LRWD1: variants seen among roughly 807,000 people sequenced by gnomAD.
The protein encoded by LRWD1 is leucine-rich repeat and WD repeat-containing protein 1.
LRWD1 carries 76 observed loss-of-function variants against 75.6 expected under a neutral mutation model. That is an observed-to-expected ratio of 1.01 (90% CI 0.84 to 1.22). LRWD1 has a LOEUF of 1.22. LRWD1 is among the 50% of genes most tolerant of loss of function. LRWD1 has a pLI of 0.00. For missense variants in LRWD1, 917 were observed against 862.0 expected (o/e 1.06, Z -0.80); for synonymous variants, 487 against 377.0 (o/e 1.29, Z -3.38).
chr7:102,472,391 T>G, intron 12 of LRWD1, 63 bp from the exon 13 acceptor site: 2 of 1,550,342 alleles, frequency 1.3e-6, no homozygotes, highest in Non-Finnish European at 1.7e-6. Flanking sequence ...CTTCTGAGGA[T>G]CTCTAGTGGG....
chr7:102,465,507 TTTTTTTTTTTTTTTTTTTG>T, intron 1 of LRWD1: 1 of 189,882 alleles, frequency 5.3e-6, no homozygotes, highest in Admixed American at 6.7e-5. Flanking sequence ...TTTTTTTTTT[TTTTTTTTTTTTTTTTTTTG>T]TTAAGTGGTG....
Position 102,472,316 on chromosome 7 carries a change from G to A in LRWD1, c.1534+7G>A, listed in dbSNP as rs917612981. 5.1e-6 allele frequency: 8 copies of A among 1,566,408 alleles called. No homozygotes were observed. The highest frequency in any genetic ancestry group is 6.9e-6 in the Non-Finnish European group (8 of 1,154,224). ...GTGAATGAGGACATCGTGGGTGAGT[G>A]AGCTCAGCTTGTGGGACAGCCTGGC... is the stretch of plus-strand genomic sequence containing the variant. On this transcript the variant is annotated splice_region_variant and intron_variant, in intron 12 of 14. Coordinates refer to ENST00000292616, the MANE Select transcript of LRWD1 (RefSeq NM_152892.3).
chr7:102,472,075 A>G (rs1798208958), intron 11 of LRWD1, 143 bp from the exon 12 acceptor site: 1 of 763,428 alleles, frequency 1.3e-6, no homozygotes, highest in Non-Finnish European at 2.2e-6. Context: ...TCCTGGGGCC[A>G]AGAATGTATC....
At chr7:102,467,141 GCACCT>G (rs1563654067) in intron 3 of LRWD1, among the ~76,000 whole-genome samples, 193 bp from the exon 4 acceptor site, 18 of 116,292 alleles carry the variant, frequency 1.5e-4, no homozygotes, top group South Asian at 8.5e-4. Flanking sequence ...GTGTGTGTAG[GCACCT>G]GGGTTGTTGC....
chr7:102,469,110 G>A, intron 9 of LRWD1, 48 bp downstream of exon 9: 1 of 1,494,732 alleles, frequency 6.7e-7, no homozygotes, highest in East Asian at 2.5e-5. Flanking sequence ...CCCCTGTCCT[G>A]CTGCCCCAGT....
Position 102,467,818 on chromosome 7 carries a change from C to T in LRWD1, c.673C>T (p.Pro225Ser), listed in dbSNP as rs1417070845. The T allele has an allele frequency of 6.5e-6, 10 of 1,549,984 alleles. No individual in the cohort carries two copies. The highest frequency in any genetic ancestry group is 1.4e-5 in the African/African-American group (1 of 73,006). ...KPPEAGAAHK[P>S]RARLAALKRP... ...CCCAGAAGCTGGAGCTGCCCACAAGCCCAGGGTGAGTGCAGCTCCCAGGGC... is the reference window on the plus strand; with the variant it reads ...CCCAGAAGCTGGAGCTGCCCACAAGTCCAGGGTGAGTGCAGCTCCCAGGGC... The change falls in exon 5 of 15, where the codon CCC becomes TCC. Residue 225 changes from proline to serine, a missense_variant. Physicochemically the swap from Pro to Ser is moderately conservative, Grantham distance 74. Transcript: ENST00000292616.
chr7:102,467,169 G>GTGT (rs773521223), intron 3 of LRWD1, among the ~76,000 whole-genome samples, 170 bp from the exon 4 acceptor site: 1 of 19,856 alleles, frequency 5.0e-5, no homozygotes, highest in African/African-American at 1.5e-4. Flanking sequence ...GGGTGTGTGT[G>GTGT]GGGTGTGTGT....
chr7:102,468,422 G>T, intron 7 of LRWD1, 45 bp downstream of exon 7: 2 of 1,555,934 alleles, frequency 1.3e-6, no homozygotes, highest in Non-Finnish European at 1.7e-6. Flanking sequence ...TGGAAATAGG[G>T]CCGCCTGGAT....
Position 102,467,320 on chromosome 7 carries a change from C to A in LRWD1, c.433-19C>A. On this transcript the variant is annotated intron_variant, in intron 3 of 14. Transcript: ENST00000292616. ...GAGCTGGGGTGGGCCGGGCCTGGAT[C>A]TGGTCCCTCTTGCACCAGGTCACAG... is the stretch of plus-strand genomic sequence containing the variant. 1 of 1,588,964 alleles carries A rather than the reference C, an allele frequency of 6.3e-7. No individual in the cohort carries two copies. Among genetic ancestry groups the A allele is most frequent in the Non-Finnish European group, 8.6e-7 (1 of 1,167,864 alleles).
Position 102,468,916 on chromosome 7 carries a change from G to A in LRWD1, c.1082G>A (p.Arg361His), listed in dbSNP as rs761091580. The change falls in exon 9 of 15, where the codon CGC becomes CAC. Residue 361 changes from arginine (R) to histidine (H), a missense_variant. By Grantham distance (29) the Arg-to-His change is conservative. Coordinates refer to ENST00000292616, the MANE Select transcript of LRWD1 (RefSeq NM_152892.3). Reference protein sequence around the residue: ...MVVTQAGHKKRWSVLAAAGLR... With the variant: ...MVVTQAGHKKHWSVLAAAGLR... ...GTCACACAGGCTGGCCACAAGAAGC[G>A]CTGGAGTGTGCTGGCGGCTGCAGGC... 1.2e-5 allele frequency: 19 copies of A among 1,612,918 alleles called. No individual in the cohort carries two copies. The South Asian group carries it at 1.3e-4, about 11-fold the overall frequency.
At chr7:102,467,171 G>GGGGGT (rs1245223810) in intron 3 of LRWD1, among the ~76,000 whole-genome samples, 168 bp from the exon 4 acceptor site, 2 of 99,148 alleles carry the variant, frequency 2.0e-5, no homozygotes, top group East Asian at 3.2e-4. Flanking sequence ...GTGTGTGTGG[G>GGGGGT]GTGTGTGTGT....
At chr7:102,467,609 G>C in intron 4 of LRWD1, 110 bp from the exon 5 acceptor site, 1 of 1,509,532 alleles carries the variant, frequency 6.6e-7, no homozygotes, top group East Asian at 2.4e-5. Context: ...CTGTTGGCTG[G>C]AGAGGCCCTT....
chr7:102,468,753 C>T, intron 8 of LRWD1, 99 bp downstream of exon 8: 2 of 1,526,322 alleles, frequency 1.3e-6, no homozygotes, highest in Middle Eastern at 1.7e-4. Flanking sequence ...GCCCCATGGC[C>T]TTTTTCTTTC....
chr7:102,465,740 C>T (rs1319782129), intron 1 of LRWD1, 77 bp from the exon 2 acceptor site: 2 of 1,067,762 alleles, frequency 1.9e-6, no homozygotes, highest in South Asian at 2.6e-5. Context: ...GTGAAAAAGC[C>T]TTCTGAGGTA....
intron 3 of LRWD1, among the ~76,000 whole-genome samples, chr7:102,466,760 C>CTT (rs71106685): frequency 1.3e-4 from 7 of 53,050 alleles, no homozygotes; most frequent in African/African-American, 6.2e-4. Flanking sequence ...TCTTTTTTAC[C>CTT]TTTTTTTTTT....
intron 11 of LRWD1, 26 bp downstream of exon 11, chr7:102,469,908 G>A: frequency 7.3e-6 from 11 of 1,498,702 alleles, no homozygotes; most frequent in Non-Finnish European, 8.9e-6. Flanking sequence ...GGGCGCCTTG[G>A]AAGCCAGGCC....
intron 11 of LRWD1, chr7:102,471,037 A>ATTC (rs1798166513): frequency 1.3e-5 from 2 of 152,228 alleles, no homozygotes; most frequent in African/African-American, 4.8e-5. Flanking sequence ...GGTTCAAGCA[A>ATTC]TTCTTCTGCC....
In LRWD1 at chr7:102,466,162, C is replaced by T. The variant is rs1229702281; in HGVS notation, c.324C>T (p.Asp108=). The change falls in exon 3 of 15, where the codon GAC becomes GAT. Residue 108 remains aspartate, a synonymous_variant. Coordinates refer to ENST00000292616, the MANE Select transcript of LRWD1 (RefSeq NM_152892.3). ...CACCCTCTCTTCCCCAGGTCAATGA[C>T]AACCTGAAAGTCTCCTTTCTCCTGC... The part of the protein sequence containing the change: ...LEGNPFLTVN[D]NLKVSFLLPT... The T allele has an allele frequency of 8.7e-6, 14 of 1,614,002 alleles. No homozygotes were observed. In the Admixed American group the frequency reaches 2.3e-4, roughly 27 times the overall value.
In LRWD1 at chr7:102,468,206, G is replaced by A; in HGVS notation, c.804+19G>A. ...CAGCCAGGTGAGCTGAGGTGGCAAG[G>A]AGCAGGTGGCAGATGAGTCGGGGCT... On this transcript the variant is annotated intron_variant, in intron 6 of 14. Transcript: ENST00000292616. The A allele has an allele frequency of 6.2e-7, 1 of 1,605,088 alleles. No homozygotes were observed. Among genetic ancestry groups the A allele is most frequent in the Non-Finnish European group, 8.5e-7 (1 of 1,176,786 alleles).
Sources: allele counts gnomAD v4.1 joint callset (sites outside exome capture counted in the v4.1 genomes callset), GRCh38; gene constraint gnomAD v4.1.1; transcripts MANE v1.5; gene names NCBI Gene and HGNC (gene_info 2026-07-23, HGNC 2026-07-21).